Variants in SETBP1 observed in about 807,000 individuals in gnomAD.
SETBP1 encodes SET binding protein 1.
SETBP1 carries 9 observed loss-of-function variants against 101.0 expected under a neutral mutation model. The ratio of observed to expected loss-of-function variants is 0.09; its 90% CI spans 0.05 to 0.16. SETBP1 has a LOEUF of 0.16. SETBP1 is among the 10% of genes least tolerant of loss of function. SETBP1 has a pLI of 1.00. For missense variants in SETBP1, 1,858 were observed against 2,033.8 expected (o/e 0.91, Z 1.66); for synonymous variants, 818 against 788.5 (o/e 1.04, Z -0.63).
chr18:45,038,588 C>G lies in SETBP1; in HGVS notation c.4104C>G (p.Asp1368Glu), dbSNP rs566235193. The G allele has an allele frequency of 4.3e-6, 7 of 1,614,202 alleles. No individual in the cohort carries two copies. The Admixed American group carries it at 5.0e-5, about 12-fold the overall frequency. The change falls in exon 5 of 6, where the codon GAC becomes GAG. Residue 1368 changes from aspartate (D) to glutamate (E), a missense_variant. Coordinates refer to ENST00000649279, the MANE Select transcript of SETBP1 (RefSeq NM_015559.3). ...CCAGGAAGAAGCCAGCCGCAGTTGA[C>G]AGTGTTACAATTCCACCAGCCCCAG... ...MMTRKKPAAV[D>E]SVTIPPAPVL... is the part of the protein sequence containing the mutation.
At chr18:44,941,731 T>A (rs1049204559) in intron 3 of SETBP1, among the ~76,000 whole-genome samples, 1 of 152,122 alleles carries the variant, frequency 6.6e-6, no homozygotes, top group Non-Finnish European at 1.5e-5. Context: ...TCTTTTGCAA[T>A]GTCCTAGAAT....
At chr18:44,934,404 C>T (rs1042037924) in intron 3 of SETBP1, among the ~76,000 whole-genome samples, 2 of 152,204 alleles carry the variant, frequency 1.3e-5, no homozygotes, top group Admixed American at 6.5e-5. Flanking sequence ...CCTCCTCGGC[C>T]TCCCGAAGTG....
chr18:45,014,757 G>A (rs1261633270), intron 4 of SETBP1, among the ~76,000 whole-genome samples: 1 of 152,116 alleles, frequency 6.6e-6, no homozygotes, highest in Non-Finnish European at 1.5e-5. Context: ...TACCTTCTCT[G>A]TGCCTCAGTT....
At chr18:44,777,657 G>A (rs1263091925) in intron 2 of SETBP1, among the ~76,000 whole-genome samples, 6 of 152,136 alleles carry the variant, frequency 3.9e-5, no homozygotes, top group African/African-American at 1.4e-4. Context: ...GAGGTTCCTG[G>A]ACACCCGTCA....
intron 2 of SETBP1, among the ~76,000 whole-genome samples, chr18:44,730,688 T>G (rs2069820605): frequency 6.6e-6 from 1 of 152,136 alleles, no homozygotes; most frequent in African/African-American, 2.4e-5. Flanking sequence ...CATTCCCCAC[T>G]GGTCTAAGAG....
intron 2 of SETBP1, among the ~76,000 whole-genome samples, chr18:44,770,655 A>G (rs545372851): frequency 5.9e-5 from 9 of 152,354 alleles, no homozygotes; most frequent in African/African-American, 2.2e-4. Flanking sequence ...GGAACAGCCC[A>G]CAAAAGATTT....
At chr18:45,023,573 T>C (rs570399779) in intron 4 of SETBP1, among the ~76,000 whole-genome samples, 21 of 152,210 alleles carry the variant, frequency 1.4e-4, no homozygotes, top group Non-Finnish European at 2.5e-4. Context: ...TCAAATTGAA[T>C]ATGTAGATGA....
chr18:44,961,597 A>G (rs1402425393), intron 4 of SETBP1, among the ~76,000 whole-genome samples: 2 of 152,222 alleles, frequency 1.3e-5, no homozygotes, highest in Non-Finnish European at 2.9e-5. Context: ...AGTTTCTCCA[A>G]TTCTAGGAGC....
chr18:44,750,804 G>C (rs1490096106), intron 2 of SETBP1, among the ~76,000 whole-genome samples: 1 of 152,156 alleles, frequency 6.6e-6, no homozygotes, highest in Non-Finnish European at 1.5e-5. Context: ...AAAATATCAA[G>C]TTATGAAAGA....
chr18:45,062,991 C>T, intron 5 of SETBP1, 88 bp from the exon 6 acceptor site: 1 of 1,562,964 alleles, frequency 6.4e-7, no homozygotes, highest in East Asian at 2.3e-5. Flanking sequence ...TCTTTATAGC[C>T]AAGTAGAATG....
intron 4 of SETBP1, among the ~76,000 whole-genome samples, chr18:45,008,201 A>G (rs2072768662): frequency 6.6e-6 from 1 of 152,160 alleles, no homozygotes; most frequent in African/African-American, 2.4e-5. Flanking sequence ...TCTTGTCCCT[A>G]GGGGACAAGA....
At chr18:45,038,679 G>A (rs1157141441) in intron 5 of SETBP1, 24 bp downstream of exon 5, 1 of 1,612,976 alleles carries the variant, frequency 6.2e-7, no homozygotes, top group Admixed American at 1.7e-5. Flanking sequence ...AGATGCTTTG[G>A]GTTCACCCCA....
intron 2 of SETBP1, among the ~76,000 whole-genome samples, chr18:44,811,498 G>A (rs2071861678): frequency 6.6e-6 from 1 of 152,208 alleles, no homozygotes; most frequent in Non-Finnish European, 1.5e-5. Flanking sequence ...TGGGTTTTCT[G>A]GAAGGGTGAC....
At position 44,950,910 on chromosome 18, in the gene SETBP1, C is replaced by G. The variant is rs1447064047; in HGVS notation, c.1570C>G (p.Pro524Ala). 1.2e-6 allele frequency: 2 copies of G among 1,614,178 alleles called. No homozygotes were observed. The highest frequency in any genetic ancestry group is 1.1e-5 in the South Asian group (1 of 91,062). The change falls in exon 4 of 6, where the codon CCA becomes GCA. Residue 524 changes from proline to alanine, a missense_variant. Around this residue, in one of 12 missense-constraint regions of SETBP1, gnomAD observed 581 missense variants for 535.1 expected, o/e 1.09. Transcript: ENST00000649279. ...CAGAAAGCTGCCAGAAATCCAGCAT[C>G]CAAAATTTGCTGCAAAACGAAGGTG... ...PSRKLPEIQH[P>A]KFAAKRRWTC...
At chr18:44,926,476 C>T (rs568295877) in intron 3 of SETBP1, among the ~76,000 whole-genome samples, 6 of 152,304 alleles carry the variant, frequency 3.9e-5, no homozygotes, top group Non-Finnish European at 7.3e-5. Flanking sequence ...GCAGTGTCCT[C>T]GTGGCATGAC....
At position 45,063,687 on chromosome 18, in the gene SETBP1, G is replaced by A. The variant is rs1212556081; in HGVS notation, c.4780G>A (p.Val1594Ile). 6.2e-7 allele frequency: 1 copy of A among 1,607,952 alleles called. No individual in the cohort carries two copies. The highest frequency in any genetic ancestry group is 1.7e-5 in the Admixed American group (1 of 59,548). The change falls in exon 6 of 6, where the codon GTC becomes ATC. Residue 1594 changes from valine (V) to isoleucine (I), a missense_variant. Coordinates refer to ENST00000649279, the MANE Select transcript of SETBP1 (RefSeq NM_015559.3). ...QRKSRGSESE[V>I]LP ...GAAGTCCCGAGGGAGTGAGAGCGAGGTCCTTCCCTAGGGCGGGTCTGGGCG... is the reference window on the plus strand; with the variant it reads ...GAAGTCCCGAGGGAGTGAGAGCGAGATCCTTCCCTAGGGCGGGTCTGGGCG...
chr18:44,699,869 C>T (rs2069086535), intron 1 of SETBP1, among the ~76,000 whole-genome samples: 1 of 152,198 alleles, frequency 6.6e-6, no homozygotes, highest in Non-Finnish European at 1.5e-5. Flanking sequence ...AACGTCTGGT[C>T]TTCAGGCTTC....
chr18:44,688,333 A>T (rs2068870441), intron 1 of SETBP1, among the ~76,000 whole-genome samples: 1 of 152,162 alleles, frequency 6.6e-6, no homozygotes, highest in South Asian at 2.1e-4. Context: ...GCTGAATTTG[A>T]TGGAACCAAC....
At chr18:44,985,207 A>G (rs2145255110) in intron 4 of SETBP1, among the ~76,000 whole-genome samples, 1 of 152,282 alleles carries the variant, frequency 6.6e-6, no homozygotes, top group Non-Finnish European at 1.5e-5. Context: ...CAGGTTACAA[A>G]TGTGGGTAGG....
Sources: allele counts gnomAD v4.1 joint callset (sites outside exome capture counted in the v4.1 genomes callset), GRCh38; gene constraint gnomAD v4.1.1; regional missense constraint gnomAD v4.1.1; transcripts MANE v1.5; gene names NCBI Gene and HGNC (gene_info 2026-07-23, HGNC 2026-07-21).